TACR3: variants seen among roughly 807,000 people sequenced by gnomAD.
TACR3 encodes tachykinin receptor 3.
TACR3 carries 34 observed loss-of-function variants against 35.0 expected under a neutral mutation model. That is an observed-to-expected ratio of 0.97 (90% CI 0.74 to 1.30). The LOEUF (loss-of-function observed/expected upper bound fraction) is 1.30, where lower values mean the gene tolerates loss of function less well. Among genes scored for constraint, TACR3 ranks in the 50% most tolerant of loss-of-function variants. The pLI, the probability that TACR3 is intolerant of heterozygous loss-of-function variation, is 0.00. For missense variants in TACR3, 558 were observed against 591.7 expected (o/e 0.94, Z 0.59); for synonymous variants, 233 against 221.1 (o/e 1.05, Z -0.48).
Position 103,719,869 on chromosome 4 carries a change from T to C in TACR3, c.-194A>G. ...GCTAAGGGGCAACAGCTGCACTTTC[T>C]CAGAGGCGCTTGCGGCTCTGGCAGG... On this transcript the variant is annotated 5_prime_UTR_variant, in exon 1 of 5. Coordinates refer to ENST00000304883, the MANE Select transcript of TACR3 (RefSeq NM_001059.3). 1 of 669,400 alleles carries C rather than the reference T, an allele frequency of 1.5e-6. No homozygotes were observed. The highest frequency in any genetic ancestry group is 2.5e-6 in the Non-Finnish European group (1 of 400,318). 41.5% of individuals were successfully genotyped at this position (669,400 alleles called of 1,614,324 possible).
In TACR3 at chr4:103,589,206, A is replaced by G. The variant is rs1723837897; in HGVS notation, c.*476T>C. 6.5e-6 allele frequency: 1 copy of G among 154,040 alleles called. No individual in the cohort carries two copies. The highest frequency in any genetic ancestry group is 1.4e-5 in the Non-Finnish European group (1 of 69,242). The allele number at this position is 154,040 out of a possible 1,614,324, so 9.5% of individuals were successfully genotyped here. ...TTAATTTTCCATTACTCTAGTGGGA[A>G]AATGAATCATTTAACTTTTTTTCCC... On this transcript the variant is annotated 3_prime_UTR_variant, in exon 5 of 5. Transcript: ENST00000304883.
chr4:103,658,497 T>TA (rs1412036602), intron 1 of TACR3, 94 bp from the exon 2 acceptor site: 6 of 1,198,848 alleles, frequency 5.0e-6, no homozygotes, highest in African/African-American at 1.5e-5. Context: ...TTTCAATAGT[T>TA]ACAGTCATTG....
chr4:103,676,688 C>T (rs1157310028), intron 1 of TACR3, among the ~76,000 whole-genome samples: 2 of 152,118 alleles, frequency 1.3e-5, no homozygotes, highest in East Asian at 3.8e-4. Flanking sequence ...AAACTGGACC[C>T]CTTCCTTACA....
At chr4:103,684,481 G>A (rs1219237455) in intron 1 of TACR3, among the ~76,000 whole-genome samples, 1 of 151,974 alleles carries the variant, frequency 6.6e-6, no homozygotes, top group African/African-American at 2.4e-5. Context: ...AAATAAAATA[G>A]GCATGTAGCT....
In TACR3 at chr4:103,719,564, C is replaced by A; in HGVS notation, c.112G>T (p.Glu38Ter). ...TCCAGCAGTTGCAGCCACCCAGTCT[C>A]AACTGCCCCCGTGGCCGCCCCGGCA... ...LAAGAATGAV[E>*]TGWLQLLDQA... The change falls in exon 1 of 5, where the codon GAG (glutamate) becomes TAG (stop). Residue 38 changes from glutamate (E) to a stop codon, truncating the protein, a stop_gained. Coordinates refer to ENST00000304883, the MANE Select transcript of TACR3 (RefSeq NM_001059.3). LOFTEE classifies it high-confidence loss of function. The A allele has an allele frequency of 6.2e-7, 1 of 1,609,722 alleles. No homozygotes were observed. The highest frequency in any genetic ancestry group is 8.5e-7 in the Non-Finnish European group (1 of 1,177,060).
chr4:103,615,398 TGA>T (rs111766715), intron 3 of TACR3, among the ~76,000 whole-genome samples: 2,770 of 116,954 alleles, frequency 0.024, 52 homozygotes, highest in African/African-American at 0.058. Context: ...TGTGTGTGTG[TGA>T]GAGAGAGAGA....
chr4:103,696,480 C>T (rs1405560398), intron 1 of TACR3, among the ~76,000 whole-genome samples: 1 of 152,148 alleles, frequency 6.6e-6, no homozygotes, highest in Non-Finnish European at 1.5e-5. Context: ...TTGCCTTCTT[C>T]TTGCCATATA....
In TACR3 at chr4:103,658,198, A is replaced by G. The variant is rs1376592822; in HGVS notation, c.737+17T>C. 1 of 1,612,310 alleles carries G rather than the reference A, an allele frequency of 6.2e-7. No homozygotes were observed. Among genetic ancestry groups the G allele is most frequent in the Non-Finnish European group, 8.5e-7 (1 of 1,178,658 alleles). On this transcript the variant is annotated intron_variant, in intron 2 of 4. Transcript: ENST00000304883. ...TTGATAAACTGAATTGAAAACCATA[A>G]TAGAGAATTAACTTACGTGAAATGT...
At chr4:103,702,542 T>C (rs1450389470) in intron 1 of TACR3, among the ~76,000 whole-genome samples, 3 of 152,108 alleles carry the variant, frequency 2.0e-5, no homozygotes, top group Non-Finnish European at 4.4e-5. Context: ...TCAGACATCC[T>C]ATTACTGGGT....
intron 3 of TACR3, among the ~76,000 whole-genome samples, chr4:103,618,724 A>G (rs986928749): frequency 3.3e-5 from 5 of 151,800 alleles, no homozygotes; most frequent in African/African-American, 9.7e-5. Flanking sequence ...CCTCCAATCC[A>G]TGAGCATGAG....
At chr4:103,713,827 A>C (rs1391658452) in intron 1 of TACR3, among the ~76,000 whole-genome samples, 1 of 152,132 alleles carries the variant, frequency 6.6e-6, no homozygotes, top group African/African-American at 2.4e-5. Flanking sequence ...TCAGAAATAC[A>C]GCCAAAGAAG....
rs548991388 is a variant in TACR3, at chr4:103,598,445, C to G, written c.889-6762G>C. ...GGTAGTTTCTTTTGCTGTGCAGAAG[C>G]TCTTTAGATTACTTAGATCCCATTT... On this transcript the variant is annotated intron_variant, in intron 3 of 4. Coordinates refer to ENST00000304883, the MANE Select transcript of TACR3 (RefSeq NM_001059.3). Among the ~76,000 whole-genome samples the G allele has an allele frequency of 5.9e-4, 90 of 152,320 alleles. 1 individual carries two copies. Among genetic ancestry groups the G allele is most frequent in the Non-Finnish European group, 2.9e-5 (2 of 68,026 alleles).
At chr4:103,652,673 C>G (rs1460962591) in intron 3 of TACR3, among the ~76,000 whole-genome samples, 1 of 151,876 alleles carries the variant, frequency 6.6e-6, no homozygotes, top group Non-Finnish European at 1.5e-5. Flanking sequence ...CGTGTAGTCT[C>G]TTATTATTAA....
At chr4:103,715,351 G>A (rs1436319858) in intron 1 of TACR3, among the ~76,000 whole-genome samples, 2 of 152,072 alleles carry the variant, frequency 1.3e-5, no homozygotes, top group Admixed American at 6.6e-5. Flanking sequence ...GATGTGTGTA[G>A]CACATTCCCT....
rs1235444828 is a variant in TACR3 at position 103,703,347 on chromosome 4, T to A, written c.548+15781A>T. 2.0e-5 allele frequency among the ~76,000 whole-genome samples: 3 copies of A among 152,174 alleles called. No individual in the cohort carries two copies. The East Asian group carries it at 5.8e-4, about 29-fold the overall frequency. ...ACCACTCATCTCAGAACTTTAATAATTATTTGACATTATTTGGTTTTGTGT... is the reference window on the plus strand; with the variant it reads ...ACCACTCATCTCAGAACTTTAATAAATATTTGACATTATTTGGTTTTGTGT... On this transcript the variant is annotated intron_variant, in intron 1 of 4. Coordinates refer to ENST00000304883, the MANE Select transcript of TACR3 (RefSeq NM_001059.3).
chr4:103,669,412 G>A (rs1726004894), intron 1 of TACR3, among the ~76,000 whole-genome samples: 1 of 151,934 alleles, frequency 6.6e-6, no homozygotes. Context: ...TTAGTTTTTT[G>A]AGGAACCTCC....
intron 1 of TACR3, among the ~76,000 whole-genome samples, chr4:103,697,264 G>C (rs1722540357): frequency 6.6e-6 from 1 of 152,066 alleles, no homozygotes; most frequent in Non-Finnish European, 1.5e-5. Flanking sequence ...TTTGTAGAGT[G>C]GTTCATAGAC....
intron 3 of TACR3, among the ~76,000 whole-genome samples, chr4:103,638,780 G>T (rs1725272107): frequency 1.3e-5 from 2 of 152,002 alleles, no homozygotes; most frequent in Non-Finnish European, 2.9e-5. Context: ...GTGGGCAAAG[G>T]ATATGAACAG....
At chr4:103,650,434 A>G (rs1167466258) in intron 3 of TACR3, among the ~76,000 whole-genome samples, 2 of 145,630 alleles carry the variant, frequency 1.4e-5, no homozygotes, top group Admixed American at 1.5e-4. Flanking sequence ...CATTGTGCAC[A>G]TGTACCCTAG....
Sources: gnomAD v4.1 joint callset for allele counts (sites outside exome capture counted in the v4.1 genomes callset) on GRCh38, gnomAD v4.1.1 for gene constraint, MANE v1.5 for transcripts, NCBI Gene and HGNC (gene_info 2026-07-23, HGNC 2026-07-21) for gene names.